The following KCND2 variants were observed in gnomAD, a reference collection of about 807,000 sequenced individuals.
KCND2 encodes A-type voltage-gated potassium channel KCND2.
Under a neutral mutation model 54.4 loss-of-function variants are expected in KCND2, and 16 were observed. The ratio of observed to expected loss-of-function variants is 0.29; its 90% CI spans 0.20 to 0.45. The LOEUF is 0.45. KCND2 is among the 20% of genes least tolerant of loss of function. KCND2 has a pLI of 1.00. For synonymous variants in KCND2, 317 were observed against 310.7 expected, an observed-to-expected ratio of 1.02 and a Z score of -0.21; for missense variants, 486 against 824.2, an observed-to-expected ratio of 0.59 and a Z score of 5.02.
rs184548433 is a variant in KCND2, at chr7:120,559,868, G to A, written c.1116-173035G>A. Among the ~76,000 whole-genome samples, 121 of 152,164 alleles carry A rather than the reference G, an allele frequency of 8.0e-4. 1 individual carries two copies. The highest frequency in any genetic ancestry group is 6.7e-3 in the Admixed American group (103 of 15,288). ...CTTAACCAAGAGAAAATTAAGCAAG[G>A]CCTTAATGAATAGTAACTTTGATTT... is the stretch of plus-strand genomic sequence containing the variant. On this transcript the variant is annotated intron_variant, in intron 1 of 5. Coordinates refer to ENST00000331113, the MANE Select transcript of KCND2 (RefSeq NM_012281.3).
intron 1 of KCND2, among the ~76,000 whole-genome samples, chr7:120,386,900 G>C (rs543924833): frequency 6.6e-6 from 1 of 152,206 alleles, no homozygotes; most frequent in East Asian, 1.9e-4. Flanking sequence ...ATAGTTAAAG[G>C]ATGTTTCTGT....
At chr7:120,546,059 A>G (rs978770128) in intron 1 of KCND2, among the ~76,000 whole-genome samples, 3 of 151,904 alleles carry the variant, frequency 2.0e-5, no homozygotes, top group Admixed American at 6.6e-5. Flanking sequence ...ACTAAAATAT[A>G]AAATAACATT....
intron 3 of KCND2, 136 bp from the exon 4 acceptor site, chr7:120,742,374 A>T: frequency 2.6e-6 from 2 of 757,712 alleles, no homozygotes; most frequent in East Asian, 5.1e-5. Flanking sequence ...GGAACTGCAC[A>T]TTTGTTCCTT....
At chr7:120,351,076 A>G (rs1020032857) in intron 1 of KCND2, among the ~76,000 whole-genome samples, 7 of 151,636 alleles carry the variant, frequency 4.6e-5, no homozygotes, top group South Asian at 2.1e-4. Context: ...TATTATCTAC[A>G]TTAAATATGT....
chr7:120,698,646 G>A (rs1459112907), intron 1 of KCND2, among the ~76,000 whole-genome samples: 1 of 152,170 alleles, frequency 6.6e-6, no homozygotes, highest in African/African-American at 2.4e-5. Context: ...ACAAATATTT[G>A]ATGAGTACCT....
intron 1 of KCND2, among the ~76,000 whole-genome samples, chr7:120,521,435 A>G (rs377489621): frequency 6.6e-6 from 1 of 152,150 alleles, no homozygotes. Flanking sequence ...ATCAAATTTT[A>G]TGGGATATTT....
chr7:120,376,640 T>C (rs1800838905), intron 1 of KCND2, among the ~76,000 whole-genome samples: 1 of 151,650 alleles, frequency 6.6e-6, no homozygotes, highest in Admixed American at 6.6e-5. Context: ...CTTTGAAATA[T>C]TGAACTGAAT....
intron 1 of KCND2, among the ~76,000 whole-genome samples, chr7:120,604,054 T>C (rs148460923): frequency 1.8e-4 from 27 of 152,302 alleles, no homozygotes; most frequent in African/African-American, 6.0e-4. Flanking sequence ...CCTTGAGCCA[T>C]AGCTAGTAGG....
chr7:120,403,653 T>C (rs1422941232), intron 1 of KCND2, among the ~76,000 whole-genome samples: 1 of 151,820 alleles, frequency 6.6e-6, no homozygotes, highest in Admixed American at 6.6e-5. Context: ...ACGTAAGACT[T>C]ATAATTGAAA....
At chr7:120,411,772 A>C (rs1801453608) in intron 1 of KCND2, among the ~76,000 whole-genome samples, 3 of 151,944 alleles carry the variant, frequency 2.0e-5, no homozygotes, top group Non-Finnish European at 4.4e-5. Context: ...TATTTTACAG[A>C]TGAAGAAATT....
chr7:120,310,378 A>G (rs1799720362), intron 1 of KCND2, among the ~76,000 whole-genome samples: 1 of 152,182 alleles, frequency 6.6e-6, no homozygotes, highest in African/African-American at 2.4e-5. Flanking sequence ...ACAATGAAGA[A>G]CAATTTAACT....
chr7:120,295,834 G>GAGA (rs1346096392), intron 1 of KCND2, among the ~76,000 whole-genome samples: 3 of 151,884 alleles, frequency 2.0e-5, no homozygotes, highest in Non-Finnish European at 4.4e-5. Context: ...AGGGGAAGCT[G>GAGA]AGATTCAAAT....
chr7:120,535,861 A>T (rs897066666), intron 1 of KCND2, among the ~76,000 whole-genome samples: 1 of 152,126 alleles, frequency 6.6e-6, no homozygotes, highest in Non-Finnish European at 1.5e-5. Flanking sequence ...AGACCCTTGC[A>T]TAGTCCATAA....
chr7:120,336,141 A>G (rs890284680), intron 1 of KCND2, among the ~76,000 whole-genome samples: 1 of 152,202 alleles, frequency 6.6e-6, no homozygotes, highest in Non-Finnish European at 1.5e-5. Flanking sequence ...AGTCGGAAGT[A>G]ACCAAACGCA....
chr7:120,311,357 G>A (rs1799733558), intron 1 of KCND2, among the ~76,000 whole-genome samples: 1 of 152,158 alleles, frequency 6.6e-6, no homozygotes, highest in Non-Finnish European at 1.5e-5. Context: ...AATAGAAATA[G>A]TTTAAACATT....
chr7:120,645,576 A>G (rs1280958092), intron 1 of KCND2, among the ~76,000 whole-genome samples: 4 of 152,184 alleles, frequency 2.6e-5, no homozygotes, highest in Admixed American at 6.5e-5. Flanking sequence ...ACCACATAAC[A>G]TGTGGCATGC....
intron 1 of KCND2, among the ~76,000 whole-genome samples, chr7:120,467,460 A>G (rs75300905): frequency 0.027 from 4,128 of 152,196 alleles, 84 homozygotes; most frequent in Non-Finnish European, 0.045. Flanking sequence ...TTTCTGGTGC[A>G]TTTGGAGGCC....
chr7:120,359,800 G>C (rs2116398566), intron 1 of KCND2, among the ~76,000 whole-genome samples: 1 of 152,128 alleles, frequency 6.6e-6, no homozygotes, highest in Admixed American at 6.6e-5. Flanking sequence ...GGATCATGGG[G>C]GTGGTTCCCT....
intron 1 of KCND2, among the ~76,000 whole-genome samples, chr7:120,643,865 G>A (rs1044932771): frequency 1.3e-5 from 2 of 150,496 alleles, no homozygotes; most frequent in Non-Finnish European, 3.0e-5. Flanking sequence ...TTATATATAT[G>A]AATTCAAATA....
Sources: allele counts gnomAD v4.1 joint callset (sites outside exome capture counted in the v4.1 genomes callset), GRCh38; gene constraint gnomAD v4.1.1; transcripts MANE v1.5; gene names NCBI Gene and HGNC (gene_info 2026-07-23, HGNC 2026-07-21).